Variants in CRTAP observed in about 807,000 individuals in gnomAD.
CRTAP encodes the protein cartilage-associated protein.
Under a neutral mutation model 42.7 loss-of-function variants are expected in CRTAP, and 33 were observed. That is an observed-to-expected ratio of 0.77 (90% CI 0.59 to 1.03). The LOEUF (loss-of-function observed/expected upper bound fraction) is 1.03, where lower values mean the gene tolerates loss of function less well. Ranked by LOEUF, CRTAP falls within the 50% of genes least tolerant of loss-of-function variation. The pLI, the probability that CRTAP is intolerant of heterozygous loss-of-function variation, is 0.00. For synonymous variants in CRTAP, 243 were observed against 217.7 expected, an observed-to-expected ratio of 1.12 and a Z score of -1.02; for missense variants, 613 against 533.9, an observed-to-expected ratio of 1.15 and a Z score of -1.46.
chr3:33,128,783 A>G (rs945101145), intron 3 of CRTAP, among the ~76,000 whole-genome samples: 1 of 152,216 alleles, frequency 6.6e-6, no homozygotes, highest in African/African-American at 2.4e-5. Flanking sequence ...CAGTCTTATG[A>G]AATGTGTGCA....
intron 1 of CRTAP, 141 bp downstream of exon 1, chr3:33,114,689 C>G: frequency 1.4e-6 from 1 of 737,058 alleles, no homozygotes; most frequent in Non-Finnish European, 2.2e-6. Flanking sequence ...TGCCAAAGGT[C>G]TCCTCCAAGT....
At chr3:33,115,570 C>T (rs1237303561) in intron 1 of CRTAP, among the ~76,000 whole-genome samples, 1 of 152,002 alleles carries the variant, frequency 6.6e-6, no homozygotes, top group Non-Finnish European at 1.5e-5. Context: ...GGTGGGTCCT[C>T]ACAGGGTTTG....
In CRTAP at chr3:33,132,618, A is replaced by G. The variant is rs757967789; in HGVS notation, c.986A>G (p.Lys329Arg). Residue 329 changes from lysine to arginine, a missense_variant, in exon 5 of 7, where the codon AAG (lysine) becomes AGG (arginine). Transcript: ENST00000320954. ...TATCTGCTCTTTGATCAGAATGACA[A>G]GGTCATGCAGCAGAACCTGGTGTAT... ...VSYLLFDQND[K>R]VMQQNLVYYQ... 8 of 1,614,068 alleles carry G rather than the reference A, an allele frequency of 5.0e-6. No homozygotes were observed. The highest frequency in any genetic ancestry group is 6.8e-6 in the Non-Finnish European group (8 of 1,180,008).
intron 2 of CRTAP, among the ~76,000 whole-genome samples, chr3:33,124,111 C>G (rs1156839409): frequency 6.6e-6 from 1 of 152,206 alleles, no homozygotes; most frequent in African/African-American, 2.4e-5. Flanking sequence ...TAACCCCTGA[C>G]TTCTGGCAGC....
At chr3:33,141,213 G>T (rs551298178) in intron 6 of CRTAP, among the ~76,000 whole-genome samples, 1 of 152,230 alleles carries the variant, frequency 6.6e-6, no homozygotes, top group African/African-American at 2.4e-5. Flanking sequence ...TTACTAGTGA[G>T]CTAAAAGCAA....
In CRTAP at chr3:33,118,455, A is replaced by C. The variant is rs115109908; in HGVS notation, c.472-1889A>C. Among the ~76,000 whole-genome samples the C allele has an allele frequency of 3.8e-3, 586 of 152,262 alleles. 3 individuals carry two copies. The highest frequency in any genetic ancestry group is 0.013 in the African/African-American group (559 of 41,540). ...CACAAGCCACTAATTGGCATTCCCAAAACATCAGCATTGACATCTGGGAGT... is the reference window on the plus strand; with the variant it reads ...CACAAGCCACTAATTGGCATTCCCACAACATCAGCATTGACATCTGGGAGT... On this transcript the variant is annotated intron_variant, in intron 1 of 6. Transcript: ENST00000320954.
At chr3:33,140,140 C>T (rs1212432827) in intron 6 of CRTAP, among the ~76,000 whole-genome samples, 1 of 152,162 alleles carries the variant, frequency 6.6e-6, no homozygotes. Flanking sequence ...GATACTAGAA[C>T]ACGAAGAGAT....
At chr3:33,134,114 C>A in intron 5 of CRTAP, 68 bp from the exon 6 acceptor site, 1 of 1,061,750 alleles carries the variant, frequency 9.4e-7, no homozygotes, top group Non-Finnish European at 1.5e-6. Context: ...ATATCCTGTT[C>A]CTCCCTCCTC....
At position 33,115,661 on chromosome 3, in the gene CRTAP, T is replaced by A. The variant is rs371361860; in HGVS notation, c.471+1113T>A. ...AGGAATATATTGTGTTTTTTAAAAT[T>A]ACTACAAAAATAGATTCATGGCATA... On this transcript the variant is annotated intron_variant, in intron 1 of 6. Coordinates refer to ENST00000320954, the MANE Select transcript of CRTAP (RefSeq NM_006371.5). 1.5e-3 allele frequency among the ~76,000 whole-genome samples: 235 copies of A among 152,280 alleles called. 6 individuals are homozygous for A. In the South Asian group the frequency reaches 0.044, roughly 28 times the overall value.
At chr3:33,132,255 G>A (rs764807605) in intron 4 of CRTAP, among the ~76,000 whole-genome samples, 7 of 152,170 alleles carry the variant, frequency 4.6e-5, no homozygotes, top group Admixed American at 1.3e-4. Context: ...GGACAATCCA[G>A]CTTTTTCCAG....
intron 6 of CRTAP, among the ~76,000 whole-genome samples, chr3:33,139,507 A>C: frequency 7.5e-6 from 1 of 133,684 alleles, no homozygotes; most frequent in African/African-American, 2.9e-5. Flanking sequence ...ACGGAGTTTC[A>C]CTCTTGTTGC....
intron 1 of CRTAP, chr3:33,115,292 G>T (rs1384673852): frequency 6.6e-6 from 1 of 152,088 alleles, no homozygotes; most frequent in Admixed American, 6.6e-5. Context: ...GGAAGGGCAG[G>T]GACTCCTTGC....
chr3:33,139,466 A>T (rs2030512917), intron 6 of CRTAP, among the ~76,000 whole-genome samples: 1 of 150,792 alleles, frequency 6.6e-6, no homozygotes. Context: ...TCTATTTTTA[A>T]TTCGTTGAAT....
Position 33,142,485 on chromosome 3 carries a change from G to C in CRTAP, c.*37G>C. The C allele has an allele frequency of 6.2e-7, 1 of 1,602,200 alleles. No individual in the cohort carries two copies. Among genetic ancestry groups the C allele is most frequent in the Non-Finnish European group, 8.6e-7 (1 of 1,169,232 alleles). On this transcript the variant is annotated 3_prime_UTR_variant, in exon 7 of 7. Transcript: ENST00000320954. ...CAAAGAGACTTCCTCTTGGCGTTCA[G>C]GAAACACAGATTCTTTGTCCTTTTC...
intron 2 of CRTAP, among the ~76,000 whole-genome samples, chr3:33,123,842 G>C (rs1383019014): frequency 6.6e-6 from 1 of 152,084 alleles, no homozygotes; most frequent in Non-Finnish European, 1.5e-5. Flanking sequence ...GGCCATGCTA[G>C]AGGTATTTCT....
intron 3 of CRTAP, among the ~76,000 whole-genome samples, chr3:33,127,141 G>T (rs2030096809): frequency 6.7e-6 from 1 of 149,614 alleles, no homozygotes. Flanking sequence ...ATCTTATTTA[G>T]GAATAGGATG....
At chr3:33,139,041 G>A (rs565685217) in intron 6 of CRTAP, among the ~76,000 whole-genome samples, 1 of 152,254 alleles carries the variant, frequency 6.6e-6, no homozygotes, top group South Asian at 2.1e-4. Context: ...CTACTCAGGA[G>A]GCTGAGGCAA....
At chr3:33,137,282 G>A (rs1315090640) in intron 6 of CRTAP, among the ~76,000 whole-genome samples, 1 of 152,150 alleles carries the variant, frequency 6.6e-6, no homozygotes, top group Non-Finnish European at 1.5e-5. Context: ...TGGGATTACA[G>A]GCGCGCACCA....
Position 33,114,223 on chromosome 3 carries a change from G to A in CRTAP, c.146G>A (p.Arg49Gln). ...DELMPLESAY[R>Q]HALDKYSGEH... ...CTGATGCCGCTCGAGTCGGCCTACCGGCACGCGCTGGACAAGTACAGCGGC... is the reference window on the plus strand; with the variant it reads ...CTGATGCCGCTCGAGTCGGCCTACCAGCACGCGCTGGACAAGTACAGCGGC... Residue 49 changes from arginine to glutamine, a missense_variant, in exon 1 of 7, where the codon CGG becomes CAG. Transcript: ENST00000320954. The A allele has an allele frequency of 1.3e-6, 2 of 1,591,884 alleles. No homozygotes were observed. The highest frequency in any genetic ancestry group is 1.7e-6 in the Non-Finnish European group (2 of 1,175,334).
Sources: allele counts gnomAD v4.1 joint callset (sites outside exome capture counted in the v4.1 genomes callset), GRCh38; gene constraint gnomAD v4.1.1; transcripts MANE v1.5; gene names NCBI Gene and HGNC (gene_info 2026-07-23, HGNC 2026-07-21).